The following SOS2 variants were observed in gnomAD, a reference collection of about 807,000 sequenced individuals.
SOS2 encodes the protein SOS Ras/Rho guanine nucleotide exchange factor 2.
A neutral mutation model predicts 148.2 loss-of-function variants in SOS2; 65 were observed. The ratio of observed to expected loss-of-function variants is 0.44; its 90% CI spans 0.36 to 0.54. The LOEUF (loss-of-function observed/expected upper bound fraction) is 0.54. SOS2 is among the 20% of genes least tolerant of loss of function. SOS2 has a pLI of 0.00. For synonymous variants in SOS2, 539 were observed against 537.1 expected, an observed-to-expected ratio of 1.00 and a Z score of -0.05; for missense variants, 1,341 against 1,590.2, an observed-to-expected ratio of 0.84 and a Z score of 2.67.
At chr14:50,173,582 C>T (rs896081652) in intron 8 of SOS2, among the ~76,000 whole-genome samples, 3 of 152,096 alleles carry the variant, frequency 2.0e-5, no homozygotes, top group Non-Finnish European at 4.4e-5. Context: ...CCATCATGCC[C>T]GGCTAATTTT....
intron 1 of SOS2, among the ~76,000 whole-genome samples, chr14:50,227,275 C>T (rs1408340153): frequency 4.1e-5 from 5 of 121,008 alleles, no homozygotes; most frequent in African/African-American, 9.7e-5. Context: ...GACAGAGTCT[C>T]GCTCTGTCGC....
At chr14:50,198,748 C>A (rs1750417502) in intron 4 of SOS2, among the ~76,000 whole-genome samples, 1 of 152,156 alleles carries the variant, frequency 6.6e-6, no homozygotes, top group African/African-American at 2.4e-5. Flanking sequence ...CTCCACTGTA[C>A]CTTGGACTTA....
intron 9 of SOS2, among the ~76,000 whole-genome samples, chr14:50,161,108 C>A (rs535474403): frequency 1.3e-5 from 2 of 151,986 alleles, no homozygotes; most frequent in Admixed American, 6.6e-5. Context: ...GTCTGGCCGA[C>A]GCGGTAAAAC....
At chr14:50,185,506 A>C (rs1043007083) in intron 5 of SOS2, among the ~76,000 whole-genome samples, 7 of 152,118 alleles carry the variant, frequency 4.6e-5, no homozygotes, top group Admixed American at 2.0e-4. Context: ...AGCCTGGCCA[A>C]CATGGCGAAA....
rs146802994 is a variant in SOS2 at position 50,118,513 on chromosome 14, A to G, written c.3830T>C (p.Leu1277Pro). The change falls in exon 23 of 23, where the codon CTC becomes CCC. Residue 1277 changes from leucine (L) to proline (P), a missense_variant. Physicochemically the swap from Leu to Pro is moderately conservative, Grantham distance 98. Coordinates refer to ENST00000216373, the MANE Select transcript of SOS2 (RefSeq NM_006939.4). ...SPRVPRRCYV[L>P]SSSQNNLAHP... ...AGCAAGATTATTCTGACTAGAACTGAGCACATAGCATCGACGCGGTACCCT... is the reference window on the plus strand; with the variant it reads ...AGCAAGATTATTCTGACTAGAACTGGGCACATAGCATCGACGCGGTACCCT... 344 of 1,614,032 alleles carry G rather than the reference A, an allele frequency of 2.1e-4. 1 individual carries two copies. Among genetic ancestry groups the G allele is most frequent in the Non-Finnish European group, 2.2e-4 (261 of 1,180,022 alleles).
At chr14:50,123,582 C>CA (rs1377495411) in intron 21 of SOS2, among the ~76,000 whole-genome samples, 1 of 151,968 alleles carries the variant, frequency 6.6e-6, no homozygotes, top group South Asian at 2.1e-4. Flanking sequence ...GGGGTTTCAC[C>CA]ATGTTGGCCA....
At chr14:50,121,563 T>C (rs1029930219) in intron 21 of SOS2, among the ~76,000 whole-genome samples, 2 of 137,272 alleles carry the variant, frequency 1.5e-5, no homozygotes, top group African/African-American at 5.8e-5. Flanking sequence ...CAGGGGGAAA[T>C]AGCTGATACA....
intron 1 of SOS2, among the ~76,000 whole-genome samples, chr14:50,228,905 T>C (rs532808749): frequency 1.1e-3 from 162 of 152,336 alleles, no homozygotes; most frequent in African/African-American, 3.5e-3. Context: ...ATACACCACA[T>C]GTACAATGGC....
chr14:50,166,148 A>G (rs1231873428), intron 8 of SOS2, among the ~76,000 whole-genome samples: 1 of 152,252 alleles, frequency 6.6e-6, no homozygotes, highest in Admixed American at 6.5e-5. Context: ...TCTGGAAAAG[A>G]GGTCAAAGAG....
At chr14:50,189,607 A>G (rs1886055707) in intron 4 of SOS2, among the ~76,000 whole-genome samples, 1 of 152,112 alleles carries the variant, frequency 6.6e-6, no homozygotes, top group Non-Finnish European at 1.5e-5. Flanking sequence ...AAAAGGAGAA[A>G]AGTGAAATGC....
intron 13 of SOS2, 36 bp downstream of exon 13, chr14:50,153,034 C>G (rs1884710709): frequency 1.1e-6 from 1 of 952,056 alleles, no homozygotes; most frequent in Admixed American, 2.2e-5. Flanking sequence ...AACTCATGTT[C>G]AATATAAGAT....
rs570800209 is a variant in SOS2 at position 50,160,463 on chromosome 14, T to C, written c.1197-377A>G. 3.1e-5 allele frequency among the ~76,000 whole-genome samples: 4 copies of C among 129,274 alleles called. No individual in the cohort carries two copies. The East Asian group carries it at 9.2e-4, about 30-fold the overall frequency. The allele number at this position is 129,274 out of a possible 152,430, so 84.8% of individuals were successfully genotyped here. A position where few individuals can be genotyped will look rare whatever the true frequency, so the allele number is the denominator to read the frequency against. ...ATGCAATGGCACGATCTTGGCTCAC[T>C]GCAACCTCCCCCTCCCAGGTTTAAG... On this transcript the variant is annotated intron_variant, in intron 9 of 22. Coordinates refer to ENST00000216373, the MANE Select transcript of SOS2 (RefSeq NM_006939.4).
rs560336554 is a variant in SOS2, at chr14:50,123,030, A to G, written c.3380-2646T>C. ...TTAGGGAAAGATAAGTAAAAGTATG[A>G]TGCCTATAAATTATGACAAGAAATA... is the stretch of plus-strand genomic sequence containing the variant. On this transcript the variant is annotated intron_variant, in intron 21 of 22. Coordinates refer to ENST00000216373, the MANE Select transcript of SOS2 (RefSeq NM_006939.4). Among the ~76,000 whole-genome samples, 7 of 152,242 alleles carry G rather than the reference A, an allele frequency of 4.6e-5. No homozygotes were observed. The South Asian group carries it at 1.5e-3, about 32-fold the overall frequency.
chr14:50,121,525 TGGGGGAG>T (rs1883510125), intron 21 of SOS2, among the ~76,000 whole-genome samples: 1 of 14,188 alleles, frequency 7.0e-5, no homozygotes, highest in African/African-American at 4.5e-4. Flanking sequence ...AGTTACTTCC[TGGGGGAG>T]GGGGGGGAGT....
At chr14:50,198,367 A>G (rs1378079510) in intron 4 of SOS2, among the ~76,000 whole-genome samples, 1 of 147,198 alleles carries the variant, frequency 6.8e-6, no homozygotes, top group Non-Finnish European at 1.5e-5. Flanking sequence ...AAAAAAAAAA[A>G]GTAGCCATAA....
At chr14:50,178,671 CATATATATAT>C (rs1170021476) in intron 7 of SOS2, among the ~76,000 whole-genome samples, 22 of 14,454 alleles carry the variant, frequency 1.5e-3, no homozygotes, top group Non-Finnish European at 2.4e-3. Context: ...TGTGTGTGTG[CATATATATAT>C]ATATATATAT....
At chr14:50,122,376 A>G (rs1474693365) in intron 21 of SOS2, among the ~76,000 whole-genome samples, 3 of 147,662 alleles carry the variant, frequency 2.0e-5, no homozygotes, top group African/African-American at 7.9e-5. Flanking sequence ...ATGAAGAGTG[A>G]AAAAGAACCC....
At chr14:50,160,379 CTTTTTTTTTTTTT>C (rs200021758) in intron 9 of SOS2, among the ~76,000 whole-genome samples, 3 of 78,928 alleles carry the variant, frequency 3.8e-5, no homozygotes, top group Non-Finnish European at 4.9e-5. Context: ...CAATGCTAAT[CTTTTTTTTTTTTT>C]TTTTTTTTTT....
intron 5 of SOS2, among the ~76,000 whole-genome samples, chr14:50,182,939 A>G (rs1451273107): frequency 1.3e-5 from 2 of 152,272 alleles, no homozygotes; most frequent in Non-Finnish European, 2.9e-5. Flanking sequence ...AATAAACTAT[A>G]GAATTTCTTT....
Sources: gnomAD v4.1 joint callset for allele counts (sites outside exome capture counted in the v4.1 genomes callset) on GRCh38, gnomAD v4.1.1 for gene constraint, MANE v1.5 for transcripts, NCBI Gene and HGNC (gene_info 2026-07-23, HGNC 2026-07-21) for gene names.